Variants in CNTNAP5 observed in about 807,000 individuals in gnomAD.
CNTNAP5 encodes contactin associated protein family member 5.
Under a neutral mutation model 150.2 loss-of-function variants are expected in CNTNAP5, and 72 were observed. That is an observed-to-expected ratio of 0.48 (90% CI 0.40 to 0.58). CNTNAP5 has a LOEUF of 0.58. Ranked by LOEUF, CNTNAP5 falls within the 20% of genes least tolerant of loss-of-function variation. The pLI, the probability that CNTNAP5 is intolerant of heterozygous loss-of-function variation, is 0.00. For missense variants in CNTNAP5, 1,636 were observed against 1,626.2 expected (o/e 1.01, Z -0.10); for synonymous variants, 672 against 619.8 (o/e 1.08, Z -1.25).
chr2:124,353,832 C>T (rs1352917268), intron 3 of CNTNAP5, among the ~76,000 whole-genome samples: 1 of 152,160 alleles, frequency 6.6e-6, no homozygotes, highest in Non-Finnish European at 1.5e-5. Context: ...TTTTCATGGG[C>T]TCCATTTTAA....
At chr2:124,650,650 A>G (rs112623318) in intron 13 of CNTNAP5, among the ~76,000 whole-genome samples, 4,034 of 152,242 alleles carry the variant, frequency 0.026, 113 homozygotes, top group Non-Finnish European at 0.039. Context: ...TATCAGATGA[A>G]TCTGTGGTCT....
intron 7 of CNTNAP5, among the ~76,000 whole-genome samples, chr2:124,481,973 A>G (rs1478818983): frequency 6.6e-6 from 1 of 152,228 alleles, no homozygotes; most frequent in Non-Finnish European, 1.5e-5. Context: ...CCGTGTATAC[A>G]GGAGACGGCT....
chr2:124,188,697 T>C (rs1319655743), intron 1 of CNTNAP5, among the ~76,000 whole-genome samples: 3 of 118,798 alleles, frequency 2.5e-5, no homozygotes, highest in African/African-American at 1.0e-4. Context: ...CCAGCCTGGG[T>C]GACAGCGAGA....
At chr2:124,306,325 T>C (rs1688689311) in intron 3 of CNTNAP5, among the ~76,000 whole-genome samples, 1 of 152,168 alleles carries the variant, frequency 6.6e-6, no homozygotes, top group Non-Finnish European at 1.5e-5. Flanking sequence ...GGCAGATCTT[T>C]CCACCTGGAA....
intron 21 of CNTNAP5, among the ~76,000 whole-genome samples, chr2:124,871,923 C>T (rs1003814795): frequency 3.3e-5 from 5 of 151,978 alleles, no homozygotes; most frequent in Non-Finnish European, 7.4e-5. Context: ...TCAAATCTTG[C>T]TTCCTCCTAT....
chr2:124,373,355 A>C (rs182263963), intron 3 of CNTNAP5, among the ~76,000 whole-genome samples: 1 of 152,134 alleles, frequency 6.6e-6, no homozygotes, highest in Non-Finnish European at 1.5e-5. Flanking sequence ...ATTGACCACA[A>C]TCAGGATTTC....
chr2:124,566,944 T>C (rs1460514970), intron 11 of CNTNAP5, among the ~76,000 whole-genome samples: 1 of 152,218 alleles, frequency 6.6e-6, no homozygotes, highest in Non-Finnish European at 1.5e-5. Flanking sequence ...CTTGTGGAAA[T>C]GACAGAATCC....
At chr2:124,675,494 T>A (rs193072064) in intron 13 of CNTNAP5, among the ~76,000 whole-genome samples, 100 of 152,266 alleles carry the variant, frequency 6.6e-4, no homozygotes, top group African/African-American at 1.5e-3. Flanking sequence ...ACTTGCCATT[T>A]TTCTACTTCT....
At chr2:124,533,168 T>G (rs1695148664) in intron 10 of CNTNAP5, among the ~76,000 whole-genome samples, 1 of 152,120 alleles carries the variant, frequency 6.6e-6, no homozygotes, top group South Asian at 2.1e-4. Context: ...CAGATTTTCC[T>G]AAAGCATTAG....
chr2:124,490,891 A>G (rs1229717281), intron 7 of CNTNAP5, among the ~76,000 whole-genome samples: 1 of 152,140 alleles, frequency 6.6e-6, no homozygotes, highest in Non-Finnish European at 1.5e-5. Flanking sequence ...AAATACTGCT[A>G]CTAGAAAATT....
intron 3 of CNTNAP5, among the ~76,000 whole-genome samples, chr2:124,263,597 T>C (rs1687522596): frequency 6.6e-6 from 1 of 152,210 alleles, no homozygotes; most frequent in Admixed American, 6.5e-5. Flanking sequence ...CTTCTGTAGG[T>C]TGCCTGTTCA....
At chr2:124,705,421 G>C (rs954679391) in intron 13 of CNTNAP5, among the ~76,000 whole-genome samples, 23 of 152,088 alleles carry the variant, frequency 1.5e-4, no homozygotes, top group Non-Finnish European at 5.9e-5. Context: ...CCAGCTACTA[G>C]GGAGACTGAG....
In CNTNAP5 at chr2:124,337,357, C is replaced by T. The variant is rs187261402; in HGVS notation, c.382-80086C>T. Among the ~76,000 whole-genome samples the T allele has an allele frequency of 5.0e-3, 758 of 152,070 alleles. 1 individual carries two copies. The highest frequency in any genetic ancestry group is 0.019 in the East Asian group (99 of 5,162). ...ACTCTGATGGTACTTTCTTTTGCTGCGCAGAAGCTCTTTAGTTTAATTAGA... is the reference window on the plus strand; with the variant it reads ...ACTCTGATGGTACTTTCTTTTGCTGTGCAGAAGCTCTTTAGTTTAATTAGA... On this transcript the variant is annotated intron_variant, in intron 3 of 23. Coordinates refer to ENST00000682447, the MANE Select transcript of CNTNAP5 (RefSeq NM_001367498.1).
At chr2:124,583,285 C>A (rs901281257) in intron 11 of CNTNAP5, among the ~76,000 whole-genome samples, 1 of 152,206 alleles carries the variant, frequency 6.6e-6, no homozygotes, top group South Asian at 2.1e-4. Context: ...CAGGAATACT[C>A]AGGGAAGCAA....
chr2:124,294,741 A>G lies in CNTNAP5; in HGVS notation c.381+52348A>G, dbSNP rs1367507543. On this transcript the variant is annotated intron_variant, in intron 3 of 23. Coordinates refer to ENST00000682447, the MANE Select transcript of CNTNAP5 (RefSeq NM_001367498.1). ...AAGTAACATTTTCCGGCAACAAAAA[A>G]TTCGCACTTTCACTTTAATGTGGAA... Among the ~76,000 whole-genome samples the G allele has an allele frequency of 2.0e-5, 3 of 152,262 alleles. No homozygotes were observed. In the East Asian group the frequency reaches 5.8e-4, roughly 29 times the overall value.
At chr2:124,176,226 T>C (rs1685060158) in intron 1 of CNTNAP5, among the ~76,000 whole-genome samples, 3 of 152,206 alleles carry the variant, frequency 2.0e-5, no homozygotes, top group Admixed American at 1.3e-4. Flanking sequence ...ACATGGCAAA[T>C]GACCATTAAG....
chr2:124,056,002 C>T (rs1381555192), intron 1 of CNTNAP5, among the ~76,000 whole-genome samples: 3 of 152,164 alleles, frequency 2.0e-5, no homozygotes, highest in Non-Finnish European at 4.4e-5. Context: ...GCACCTTCAT[C>T]TCCCTCTCTG....
chr2:124,547,515 T>C (rs1018039711), intron 10 of CNTNAP5, among the ~76,000 whole-genome samples: 3 of 152,172 alleles, frequency 2.0e-5, no homozygotes, highest in Admixed American at 1.3e-4. Context: ...TGTATTCCTG[T>C]GTGAGGCCCT....
rs117732908 is a variant in CNTNAP5, at chr2:124,800,550, C to A, written c.3217+2230C>A. 1.5e-3 allele frequency among the ~76,000 whole-genome samples: 236 copies of A among 152,298 alleles called. 5 individuals carry two copies. In the East Asian group the frequency reaches 0.041, roughly 27 times the overall value. ...CTGGATTCACCCTCCCTTCCTCAGT[C>A]TGGTGGCATATTCTGTATTCTTAAC... On this transcript the variant is annotated intron_variant, in intron 19 of 23. Coordinates refer to ENST00000682447, the MANE Select transcript of CNTNAP5 (RefSeq NM_001367498.1).
Sources: allele counts gnomAD v4.1 joint callset (sites outside exome capture counted in the v4.1 genomes callset), GRCh38; gene constraint gnomAD v4.1.1; transcripts MANE v1.5; gene names NCBI Gene and HGNC (gene_info 2026-07-23, HGNC 2026-07-21).